Variants in LPAR1 observed in about 807,000 individuals in gnomAD.
LPAR1 encodes the protein LPA receptor 1.
In LPAR1, 5 loss-of-function variants were observed where a neutral mutation model predicts 23.8. That is an observed-to-expected ratio of 0.21 (90% CI 0.11 to 0.44). LPAR1 has a LOEUF of 0.44. Ranked by LOEUF, LPAR1 falls within the 20% of genes least tolerant of loss-of-function variation. The pLI, the probability that LPAR1 is intolerant of heterozygous loss-of-function variation, is 0.99. For synonymous variants in LPAR1, 160 were observed against 164.7 expected (o/e 0.97, Z 0.22); for missense variants, 311 against 482.8 (o/e 0.64, Z 3.33).
At chr9:110,924,369 T>C (rs1427512889) in intron 5 of LPAR1, among the ~76,000 whole-genome samples, 1 of 152,186 alleles carries the variant, frequency 6.6e-6, no homozygotes, top group Non-Finnish European at 1.5e-5. Flanking sequence ...GACAATCTTT[T>C]AAAGAATCTA....
chr9:110,915,751 A>G (rs548600050), intron 5 of LPAR1, among the ~76,000 whole-genome samples: 29 of 152,306 alleles, frequency 1.9e-4, no homozygotes, highest in African/African-American at 6.0e-4. Context: ...ATGTAAATGG[A>G]TATGAATGGT....
At chr9:110,958,297 C>T (rs993942794) in intron 4 of LPAR1, among the ~76,000 whole-genome samples, 1 of 152,116 alleles carries the variant, frequency 6.6e-6, no homozygotes, top group African/African-American at 2.4e-5. Context: ...AAGAACAAAG[C>T]TGGAAACATC....
intron 5 of LPAR1, among the ~76,000 whole-genome samples, chr9:110,907,471 G>A (rs1240969472): frequency 6.6e-6 from 1 of 152,144 alleles, no homozygotes; most frequent in Admixed American, 6.5e-5. Context: ...CAGGTTACCT[G>A]TAAAGGGAGC....
intron 5 of LPAR1, among the ~76,000 whole-genome samples, chr9:110,924,298 T>C (rs2766994): frequency 0.38 from 57,533 of 151,266 alleles, 12,087 homozygotes; most frequent in Non-Finnish European, 0.48. Context: ...ATGAATGTAC[T>C]GAACTTTGGG....
At chr9:111,000,934 A>G (rs888696270) in intron 2 of LPAR1, among the ~76,000 whole-genome samples, 1 of 152,178 alleles carries the variant, frequency 6.6e-6, no homozygotes, top group Admixed American at 6.5e-5. Context: ...TAAAACAATG[A>G]AAACCTTAAG....
chr9:111,034,232 C>T (rs2097852497), intron 2 of LPAR1, among the ~76,000 whole-genome samples: 1 of 152,204 alleles, frequency 6.6e-6, no homozygotes, highest in East Asian at 1.9e-4. Context: ...TTTACAGAGG[C>T]ATTAATGCCG....
intron 2 of LPAR1, among the ~76,000 whole-genome samples, chr9:111,021,030 G>A (rs533210723): frequency 6.6e-5 from 10 of 152,096 alleles, no homozygotes; most frequent in Non-Finnish European, 1.3e-4. Context: ...ACATATTCAC[G>A]TTACAATAAA....
intron 4 of LPAR1, among the ~76,000 whole-genome samples, chr9:110,948,543 T>C (rs2095464425): frequency 6.6e-6 from 1 of 152,232 alleles, no homozygotes; most frequent in Non-Finnish European, 1.5e-5. Context: ...AAGTACTTTT[T>C]ATCTATTATA....
intron 4 of LPAR1, among the ~76,000 whole-genome samples, chr9:110,950,397 G>A (rs191709945): frequency 2.6e-5 from 4 of 151,554 alleles, no homozygotes; most frequent in African/African-American, 7.3e-5. Flanking sequence ...CCTGGGAGGC[G>A]GAGGTTGCAG....
chr9:110,966,299 T>C (rs933839198), intron 4 of LPAR1, among the ~76,000 whole-genome samples: 2 of 151,978 alleles, frequency 1.3e-5, no homozygotes, highest in Non-Finnish European at 2.9e-5. Flanking sequence ...GCCAACATAG[T>C]GAAACCCCAT....
chr9:110,886,226 T>G (rs1588136448), intron 5 of LPAR1, among the ~76,000 whole-genome samples: 1 of 147,632 alleles, frequency 6.8e-6, no homozygotes, highest in Non-Finnish European at 1.5e-5. Context: ...TAGCTGGGCG[T>G]GGTGACACAT....
chr9:110,952,306 AG>A (rs1167743837), intron 4 of LPAR1, among the ~76,000 whole-genome samples: 2 of 152,126 alleles, frequency 1.3e-5, no homozygotes, highest in East Asian at 3.9e-4. Flanking sequence ...TCAACCCAAA[AG>A]GGCCCTGAAA....
At chr9:110,971,097 T>C (rs1179342674) in intron 4 of LPAR1, among the ~76,000 whole-genome samples, 1 of 152,100 alleles carries the variant, frequency 6.6e-6, no homozygotes, top group Non-Finnish European at 1.5e-5. Flanking sequence ...ATCATGCCAC[T>C]ACACTCCAGC....
chr9:110,880,194 TTCC>T lies in LPAR1; in HGVS notation c.794-4475_794-4473del, dbSNP rs548541990. 3.9e-4 allele frequency among the ~76,000 whole-genome samples: 60 copies of T among 152,284 alleles called. 1 individual carries two copies. The East Asian group carries it at 8.5e-3, about 22-fold the overall frequency. On this transcript the variant is annotated intron_variant, in intron 5 of 5. Coordinates refer to ENST00000683809, the MANE Select transcript of LPAR1 (RefSeq NM_001351411.2). Reference sequence around the variant, plus strand: ...GTTGTTCTTCCTTGAACAAGCTTTATTCCTCCCTGATGCATCTGTCAAAGCAAT... The same window carrying T: ...GTTGTTCTTCCTTGAACAAGCTTTATTCCCTGATGCATCTGTCAAAGCAAT...
At chr9:110,980,246 T>C (rs1316879331) in intron 2 of LPAR1, among the ~76,000 whole-genome samples, 1 of 152,060 alleles carries the variant, frequency 6.6e-6, no homozygotes. Context: ...GAATTCCACA[T>C]AGCACATATT....
intron 2 of LPAR1, among the ~76,000 whole-genome samples, chr9:111,007,108 G>A (rs764721195): frequency 4.0e-5 from 6 of 151,896 alleles, no homozygotes; most frequent in Non-Finnish European, 8.8e-5. Flanking sequence ...ACCACATGAG[G>A]TGCCTCCTCC....
At chr9:110,888,447 T>A (rs1001316804) in intron 5 of LPAR1, among the ~76,000 whole-genome samples, 5 of 152,190 alleles carry the variant, frequency 3.3e-5, no homozygotes, top group Non-Finnish European at 7.3e-5. Flanking sequence ...TAATTGAATG[T>A]TAACAAAGCA....
At chr9:110,915,399 T>C (rs931262615) in intron 5 of LPAR1, among the ~76,000 whole-genome samples, 1 of 151,758 alleles carries the variant, frequency 6.6e-6, no homozygotes, top group African/African-American at 2.4e-5. Flanking sequence ...TAGCCAGGGG[T>C]GGTGGCATGT....
At chr9:110,938,087 T>C (rs1320177161) in intron 5 of LPAR1, among the ~76,000 whole-genome samples, 2 of 152,204 alleles carry the variant, frequency 1.3e-5, no homozygotes, top group Non-Finnish European at 2.9e-5. Context: ...TCCCTCAGCA[T>C]TTATTGACTA....
Sources: gnomAD v4.1 joint callset for allele counts (sites outside exome capture counted in the v4.1 genomes callset) on GRCh38, gnomAD v4.1.1 for gene constraint, MANE v1.5 for transcripts, NCBI Gene and HGNC (gene_info 2026-07-23, HGNC 2026-07-21) for gene names.